The following NOSTRIN variants were observed in gnomAD, a reference collection of about 807,000 sequenced individuals.
NOSTRIN encodes the protein BM247 homolog.
A neutral mutation model predicts 59.0 loss-of-function variants in NOSTRIN; 63 were observed. That is an observed-to-expected ratio of 1.07 (90% CI 0.87 to 1.32). The LOEUF (loss-of-function observed/expected upper bound fraction) is 1.32. NOSTRIN is among the 40% of genes most tolerant of loss of function. NOSTRIN has a pLI of 0.00. For missense variants in NOSTRIN, 512 were observed against 473.1 expected, an observed-to-expected ratio of 1.08 and a Z score of -0.76; for synonymous variants, 200 against 165.4, an observed-to-expected ratio of 1.21 and a Z score of -1.61.
At chr2:168,808,889 C>T (rs192532878) in intron 1 of NOSTRIN, among the ~76,000 whole-genome samples, 1 of 151,808 alleles carries the variant, frequency 6.6e-6, no homozygotes, top group African/African-American at 2.4e-5. Context: ...TCAGAATAGC[C>T]AAATAAATTA....
intron 12 of NOSTRIN, among the ~76,000 whole-genome samples, chr2:168,857,560 T>G (rs974370066): frequency 6.6e-6 from 1 of 152,164 alleles, no homozygotes; most frequent in Non-Finnish European, 1.5e-5. Flanking sequence ...GATGGACATT[T>G]TGGCCACTTC....
Position 168,828,449 on chromosome 2 carries a change from C to G in NOSTRIN, c.290C>G (p.Ala97Gly). 1.1e-6 allele frequency: 1 copy of G among 872,162 alleles called. No individual in the cohort carries two copies. The highest frequency in any genetic ancestry group is 2.0e-6 in the Non-Finnish European group (1 of 501,516). 54.0% of individuals were successfully genotyped at this position (872,162 alleles called of 1,614,324 possible). A position where few individuals can be genotyped will look rare whatever the true frequency, so the allele number is the denominator to read the frequency against. ...QKLGKAIELE[A>G]IKPTYQVLNV... is the part of the protein sequence containing the mutation. ...CTTGGCAAAGCAATTGAATTGGAAG[C>G]AATAAAACCGACTTATCAAGTCCTA... is the stretch of plus-strand genomic sequence containing the variant. The change falls in exon 5 of 16, where the codon GCA (alanine) becomes GGA (glycine). Residue 97 changes from alanine to glycine, a missense_variant. Physicochemically the swap from Ala to Gly is moderately conservative, Grantham distance 60 (BLOSUM62 0). Coordinates refer to ENST00000317647, the MANE Select transcript of NOSTRIN (RefSeq NM_001039724.4).
At chr2:168,826,180 T>C (rs1299111490) in intron 3 of NOSTRIN, among the ~76,000 whole-genome samples, 1 of 151,834 alleles carries the variant, frequency 6.6e-6, no homozygotes, top group Non-Finnish European at 1.5e-5. Context: ...GCTCTGTGAA[T>C]GTCCATTACG....
At chr2:168,795,378 T>C (rs114374633), upstream of NOSTRIN, among the ~76,000 whole-genome samples, 777 of 152,334 alleles carry the variant, frequency 5.1e-3, 7 homozygotes, top group African/African-American at 0.017. Context: ...TTTGAACAAA[T>C]CTGCATTTGT....
chr2:168,789,294 G>A (rs1685285889), intron 2 of NOSTRIN, among the ~76,000 whole-genome samples: 1 of 152,160 alleles, frequency 6.6e-6, no homozygotes, highest in Non-Finnish European at 1.5e-5. Flanking sequence ...CCTGAGACTG[G>A]GTAATGTATA....
intron 10 of NOSTRIN, among the ~76,000 whole-genome samples, chr2:168,851,885 G>A (rs1362215670): frequency 6.6e-6 from 1 of 152,076 alleles, no homozygotes; most frequent in Admixed American, 6.6e-5. Context: ...TGCAATCAAG[G>A]TATCAGGTTG....
chr2:168,844,156 A>T (rs1283581886), intron 8 of NOSTRIN, among the ~76,000 whole-genome samples: 1 of 152,202 alleles, frequency 6.6e-6, no homozygotes, highest in Non-Finnish European at 1.5e-5. Flanking sequence ...CTGAGTTTAT[A>T]TGTGTGTGTT....
At chr2:168,822,699 C>A (rs970210407) in intron 2 of NOSTRIN, among the ~76,000 whole-genome samples, 1 of 152,118 alleles carries the variant, frequency 6.6e-6, no homozygotes, top group Non-Finnish European at 1.5e-5. Context: ...ATAGATGGGT[C>A]TGTAAATAGG....
intron 2 of NOSTRIN, among the ~76,000 whole-genome samples, chr2:168,815,973 C>G (rs982790653): frequency 6.6e-6 from 1 of 152,208 alleles, no homozygotes; most frequent in Non-Finnish European, 1.5e-5. Context: ...CCATATTTCT[C>G]TCTTTGAAAC....
intron 11 of NOSTRIN, chr2:168,855,904 T>A (rs1689073391): frequency 4.4e-6 from 2 of 455,022 alleles, no homozygotes; most frequent in Admixed American, 4.7e-5. Context: ...CATGTCAGAC[T>A]GTGAAGCAGC....
At chr2:168,833,096 T>G (rs905610252) in intron 6 of NOSTRIN, among the ~76,000 whole-genome samples, 2 of 152,160 alleles carry the variant, frequency 1.3e-5, no homozygotes, top group African/African-American at 4.8e-5. Flanking sequence ...AATAAAAGAT[T>G]TCATTTTTTT....
intron 2 of NOSTRIN, among the ~76,000 whole-genome samples, chr2:168,823,347 A>C (rs560346882): frequency 6.6e-6 from 1 of 152,304 alleles, no homozygotes; most frequent in East Asian, 1.9e-4. Flanking sequence ...TGTCATAACA[A>C]AGTACCACAG....
chr2:168,808,008 A>G (rs1358287573), intron 1 of NOSTRIN, among the ~76,000 whole-genome samples: 2 of 152,182 alleles, frequency 1.3e-5, no homozygotes, highest in Non-Finnish European at 2.9e-5. Flanking sequence ...ACTGAAGGCA[A>G]TTGAGTTTTC....
chr2:168,834,391 C>T (rs1040935601), intron 7 of NOSTRIN, 66 bp downstream of exon 7: 31 of 804,702 alleles, frequency 3.9e-5, no homozygotes, highest in Middle Eastern at 2.3e-4. Context: ...CCCTTAGCTA[C>T]GAACACAAGA....
At chr2:168,803,395 AC>A (rs1685690816) in intron 1 of NOSTRIN, among the ~76,000 whole-genome samples, 1 of 152,236 alleles carries the variant, frequency 6.6e-6, no homozygotes, top group Non-Finnish European at 1.5e-5. Context: ...TTATCCCAAC[AC>A]ATGGGGCTGA....
chr2:168,841,235 C>CAAAAAAAAAAAAAAAAAAAAAAAA (rs57480764), intron 7 of NOSTRIN, among the ~76,000 whole-genome samples: 3 of 106,588 alleles, frequency 2.8e-5, no homozygotes, highest in African/African-American at 1.1e-4. Context: ...ACCCTGTCTC[C>CAAAAAAAAAAAAAAAAAAAAAAAA]AAAAAAAAAA....
At chr2:168,847,512 A>G (rs1385930458) in intron 8 of NOSTRIN, among the ~76,000 whole-genome samples, 2 of 152,208 alleles carry the variant, frequency 1.3e-5, no homozygotes, top group Non-Finnish European at 2.9e-5. Context: ...TATCAGTTCT[A>G]TGAGAGTCAT....
intron 1 of NOSTRIN, among the ~76,000 whole-genome samples, chr2:168,787,467 A>C (rs1404543715): frequency 2.0e-5 from 3 of 152,208 alleles, no homozygotes; most frequent in Non-Finnish European, 2.9e-5. Context: ...TCTTCCCAGA[A>C]AGCCTTAGCC....
At chr2:168,862,769 C>T (rs1305733689) in intron 15 of NOSTRIN, among the ~76,000 whole-genome samples, 5 of 132,726 alleles carry the variant, frequency 3.8e-5, no homozygotes, top group Non-Finnish European at 8.5e-5. Context: ...CTTTATGTGT[C>T]CAGTTAGAAA....
Sources: gnomAD v4.1 joint callset for allele counts (sites outside exome capture counted in the v4.1 genomes callset) on GRCh38, gnomAD v4.1.1 for gene constraint, MANE v1.5 for transcripts, NCBI Gene and HGNC (gene_info 2026-07-23, HGNC 2026-07-21) for gene names.